The following PIK3R1 variants were observed in gnomAD, a reference collection of about 807,000 sequenced individuals.
PIK3R1 encodes phosphoinositide-3-kinase regulatory subunit 1.
PIK3R1 carries 29 observed loss-of-function variants against 98.0 expected under a neutral mutation model. The ratio of observed to expected loss-of-function variants is 0.30; its 90% CI spans 0.22 to 0.40. PIK3R1 has a LOEUF of 0.40. Ranked by LOEUF, PIK3R1 falls within the 10% of genes least tolerant of loss-of-function variation. The pLI is 1.00. For synonymous variants in PIK3R1, 282 were observed against 311.8 expected (o/e 0.90, Z 1.01); for missense variants, 596 against 872.7 (o/e 0.68, Z 3.99).
intron 4 of PIK3R1, among the ~76,000 whole-genome samples, chr5:68,278,293 TCAGA>T (rs1396246227): frequency 3.9e-5 from 6 of 152,124 alleles, no homozygotes; most frequent in East Asian, 1.9e-4. Flanking sequence ...TTAGTAATAC[TCAGA>T]CAGAATTAGG....
Position 68,297,814 on chromosome 5 carries a change from C to T in PIK3R1, c.*213C>T, listed in dbSNP as rs750709187. 2 of 399,704 alleles carry T rather than the reference C, an allele frequency of 5.0e-6. No homozygotes were observed. Among genetic ancestry groups the T allele is most frequent in the Non-Finnish European group, 8.9e-6 (2 of 225,588 alleles). The allele number at this position is 399,704 out of a possible 1,614,324, so 24.8% of individuals were successfully genotyped here. ...GACCACACGTTCCTAAGCTGGAGTG[C>T]TTATCCCTTCTTTTTCTTTTTTTCT... On this transcript the variant is annotated 3_prime_UTR_variant, in exon 16 of 16. Transcript: ENST00000521381.
chr5:68,259,894 C>A (rs1025842110), intron 2 of PIK3R1, among the ~76,000 whole-genome samples: 4 of 152,164 alleles, frequency 2.6e-5, no homozygotes, highest in Non-Finnish European at 5.9e-5. Context: ...CAGGTCATCT[C>A]TTATCAGTTA....
chr5:68,286,944 T>TATGTCC (rs1216912629), intron 7 of PIK3R1, among the ~76,000 whole-genome samples: 2 of 152,212 alleles, frequency 1.3e-5, no homozygotes, highest in African/African-American at 4.8e-5. Context: ...GTCCCTATGA[T>TATGTCC]CAGATGGCAG....
At chr5:68,276,371 A>G (rs1746571939) in intron 4 of PIK3R1, among the ~76,000 whole-genome samples, 1 of 152,324 alleles carries the variant, frequency 6.6e-6, no homozygotes, top group Admixed American at 6.5e-5. Context: ...CAGATGGCTC[A>G]TGGCAGAGGG....
At chr5:68,288,925 A>G (rs1445973308) in intron 7 of PIK3R1, among the ~76,000 whole-genome samples, 1 of 151,996 alleles carries the variant, frequency 6.6e-6, no homozygotes, top group Non-Finnish European at 1.5e-5. Context: ...GTGGCTGGGA[A>G]AGATAGGGTT....
At chr5:68,271,254 C>A (rs952851033) in intron 2 of PIK3R1, among the ~76,000 whole-genome samples, 7 of 152,162 alleles carry the variant, frequency 4.6e-5, no homozygotes, top group South Asian at 2.1e-4. Flanking sequence ...TCCCACCCAG[C>A]CCTCTGCACA....
At chr5:68,220,761 T>C (rs1365711815) in intron 1 of PIK3R1, among the ~76,000 whole-genome samples, 1 of 152,226 alleles carries the variant, frequency 6.6e-6, no homozygotes, top group Non-Finnish European at 1.5e-5. Flanking sequence ...GTTGGTTGGT[T>C]TGGAAATGAA....
At chr5:68,238,100 G>A (rs962192322) in intron 2 of PIK3R1, among the ~76,000 whole-genome samples, 1 of 152,198 alleles carries the variant, frequency 6.6e-6, no homozygotes. Flanking sequence ...TGTTCACTGA[G>A]GGTTTTGAGT....
chr5:68,284,812 G>T (rs1315608975), intron 7 of PIK3R1, among the ~76,000 whole-genome samples: 1 of 152,118 alleles, frequency 6.6e-6, no homozygotes, highest in African/African-American at 2.4e-5. Context: ...TCAAAGAATA[G>T]TAATACATCA....
chr5:68,230,397 C>G (rs1012499429), intron 2 of PIK3R1, among the ~76,000 whole-genome samples: 1 of 152,218 alleles, frequency 6.6e-6, no homozygotes, highest in Admixed American at 6.5e-5. Flanking sequence ...TGCTGGTAAA[C>G]AGGTGCTGCT....
chr5:68,251,449 G>A lies in PIK3R1; in HGVS notation c.335-21941G>A, dbSNP rs372385113. Among the ~76,000 whole-genome samples the A allele has an allele frequency of 7.3e-5, 11 of 151,362 alleles. 1 individual carries two copies. The East Asian group carries it at 2.1e-3, about 29-fold the overall frequency. ...TAATTTTTATAATGAGTATGTCTTC[G>A]TGAGCCCTCACAACCCTTGAAGTTT... On this transcript the variant is annotated intron_variant, in intron 2 of 15. Transcript: ENST00000521381.
intron 1 of PIK3R1, among the ~76,000 whole-genome samples, chr5:68,221,576 A>T (rs1744094349): frequency 6.6e-6 from 1 of 152,244 alleles, no homozygotes. Flanking sequence ...AATGTGATTT[A>T]AAAATATCCT....
rs150073546 is a variant in PIK3R1 at position 68,269,313 on chromosome 5, G to A, written c.335-4077G>A. ...TTGGTTCTCCACACTTATACACTGT[G>A]CTACAGCAAGCTTCACAACCAAAAC... On this transcript the variant is annotated intron_variant, in intron 2 of 15. Coordinates refer to ENST00000521381, the MANE Select transcript of PIK3R1 (RefSeq NM_181523.3). 1.1e-4 allele frequency among the ~76,000 whole-genome samples: 16 copies of A among 152,300 alleles called. No homozygotes were observed. The East Asian group carries it at 2.5e-3, about 24-fold the overall frequency.
intron 4 of PIK3R1, among the ~76,000 whole-genome samples, chr5:68,278,701 G>A (rs1233940295): frequency 6.6e-6 from 1 of 152,170 alleles, no homozygotes; most frequent in African/African-American, 2.4e-5. Flanking sequence ...CAGCACTTTG[G>A]GAGGCTGAGG....
In PIK3R1 at chr5:68,226,391, G is replaced by A; in HGVS notation, c.-285G>A. On this transcript the variant is annotated 5_prime_UTR_variant, in exon 2 of 16. Coordinates refer to ENST00000521381, the MANE Select transcript of PIK3R1 (RefSeq NM_181523.3). The stretch of plus-strand genomic sequence containing the variant: ...GGGCCTCGCTGTGAGAGTCAGCCTG[G>A]ATTCAAAGTGTTGACAAGTTGCTGA... The A allele has an allele frequency of 2.1e-6, 1 of 476,032 alleles. No homozygotes were observed. Among genetic ancestry groups the A allele is most frequent in the Admixed American group, 3.6e-5 (1 of 27,836 alleles). The allele number at this position is 476,032 out of a possible 1,614,324, so 29.5% of individuals were successfully genotyped here.
rs1476948458 is a variant in PIK3R1, at chr5:68,273,290, C to T, written c.335-100C>T. 10 of 1,104,762 alleles carry T rather than the reference C, an allele frequency of 9.1e-6. No homozygotes were observed. The Middle Eastern group carries it at 5.9e-4, about 66-fold the overall frequency. 68.4% of individuals were successfully genotyped at this position (1,104,762 alleles called of 1,614,324 possible). On this transcript the variant is annotated intron_variant, in intron 2 of 15. Transcript: ENST00000521381. ...GCCCAGAGCAGGGGTTCTTCTTGCT[C>T]GGGCCTGATGTAATTAAATTATTTT...
chr5:68,292,571 A>G lies in PIK3R1; in HGVS notation c.1019+210A>G. 2.0e-6 allele frequency: 3 copies of G among 1,491,624 alleles called. No individual in the cohort carries two copies. In the South Asian group the frequency reaches 3.6e-5, roughly 18 times the overall value. The allele number at this position is 1,491,624 out of a possible 1,614,324, so 92.4% of individuals were successfully genotyped here. ...AATTAAATACCCGGGAAGTTTCATT[A>G]TTGACAGAGATGTCAGTGAAGTGCC... On this transcript the variant is annotated intron_variant, in intron 8 of 15. Transcript: ENST00000521381.
chr5:68,243,313 G>A (rs1744940180), intron 2 of PIK3R1, among the ~76,000 whole-genome samples: 1 of 152,200 alleles, frequency 6.6e-6, no homozygotes, highest in African/African-American at 2.4e-5. Flanking sequence ...TTGTTCCACT[G>A]CTTTGATTAG....
Position 68,298,733 on chromosome 5 carries a change from A to AT in PIK3R1, c.*1133dup, listed in dbSNP as rs1295211858. 4 of 233,444 alleles carry AT rather than the reference A, an allele frequency of 1.7e-5. No individual in the cohort carries two copies. Among genetic ancestry groups the AT allele is most frequent in the African/African-American group, 4.4e-5 (2 of 45,454 alleles). 14.5% of individuals were successfully genotyped at this position (233,444 alleles called of 1,614,324 possible). On this transcript the variant is annotated 3_prime_UTR_variant, in exon 16 of 16. Transcript: ENST00000521381. The stretch of plus-strand genomic sequence containing the variant: ...ATAAGCTTCAAAGCTGCTTTATTCA[A>AT]TAAAAAAAAGAAATGAAAAAGATAT...
Sources: gnomAD v4.1 joint callset for allele counts (sites outside exome capture counted in the v4.1 genomes callset) on GRCh38, gnomAD v4.1.1 for gene constraint, MANE v1.5 for transcripts, NCBI Gene and HGNC (gene_info 2026-07-23, HGNC 2026-07-21) for gene names.